Variants in CCBE1 observed in about 807,000 individuals in gnomAD.
CCBE1 encodes collagen and calcium-binding EGF domain-containing protein 1.
In CCBE1, 37 loss-of-function variants were observed where a neutral mutation model predicts 50.0. The ratio of observed to expected loss-of-function variants is 0.74; its 90% confidence interval spans 0.57 to 0.97. The LOEUF (loss-of-function observed/expected upper bound fraction) is 0.97, where lower values mean the gene tolerates loss of function less well. CCBE1 is among the 50% of genes least tolerant of loss of function. The pLI is 0.00. For synonymous variants in CCBE1, 234 were observed against 203.7 expected (o/e 1.15, Z -1.27); for missense variants, 538 against 523.8 (o/e 1.03, Z -0.26).
At chr18:59,567,598 C>T (rs368381723) in intron 2 of CCBE1, among the ~76,000 whole-genome samples, 3 of 152,176 alleles carry the variant, frequency 2.0e-5, no homozygotes, top group Non-Finnish European at 4.4e-5. Context: ...CCAAGTGGAT[C>T]GGGTTTTAAT....
chr18:59,626,548 A>C (rs1484537808), intron 2 of CCBE1, among the ~76,000 whole-genome samples: 1 of 152,280 alleles, frequency 6.6e-6, no homozygotes, highest in Non-Finnish European at 1.5e-5. Flanking sequence ...CACTGCTCTA[A>C]GAATTTCCCA....
intron 2 of CCBE1, among the ~76,000 whole-genome samples, chr18:59,606,849 C>A (rs570298961): frequency 6.6e-6 from 1 of 152,286 alleles, no homozygotes; most frequent in Non-Finnish European, 1.5e-5. Context: ...GAAACCTTTT[C>A]TGATAAATGC....
chr18:59,584,497 T>C (rs971606118), intron 2 of CCBE1, among the ~76,000 whole-genome samples: 2 of 146,770 alleles, frequency 1.4e-5, no homozygotes, highest in African/African-American at 2.6e-5. Context: ...ACTTAAAGTA[T>C]AATAATAATA....
intron 2 of CCBE1, among the ~76,000 whole-genome samples, chr18:59,605,954 G>A (rs2053492219): frequency 6.6e-6 from 1 of 152,144 alleles, no homozygotes; most frequent in South Asian, 2.1e-4. Context: ...AATCTACCAA[G>A]AGAAATCGCG....
Position 59,454,827 on chromosome 18 carries a change from C to T in CCBE1, c.654+24G>A, listed in dbSNP as rs369236869. 26 of 1,598,746 alleles carry T rather than the reference C, an allele frequency of 1.6e-5. 1 individual carries two copies. In the Middle Eastern group the frequency reaches 5.0e-4, roughly 31 times the overall value. On this transcript the variant is annotated intron_variant, in intron 6 of 10. Coordinates refer to ENST00000439986, the MANE Select transcript of CCBE1 (RefSeq NM_133459.4). ...AAGCCCTCCTTCCATCAGGCATCAT[C>T]GTTCCCACCCCAGCGGCACGTACCT...
At chr18:59,534,931 ACTCATTTTCC>A (rs577046970) in intron 2 of CCBE1, among the ~76,000 whole-genome samples, 20 of 152,132 alleles carry the variant, frequency 1.3e-4, no homozygotes, top group Middle Eastern at 3.4e-3. Context: ...ACAGAACAAA[ACTCATTTTCC>A]CTCATTTTTA....
chr18:59,665,328 T>C (rs942002278), intron 2 of CCBE1, among the ~76,000 whole-genome samples: 1 of 152,202 alleles, frequency 6.6e-6, no homozygotes, highest in African/African-American at 2.4e-5. Context: ...TGACTTCAGC[T>C]CTGTTCATTC....
intron 2 of CCBE1, among the ~76,000 whole-genome samples, chr18:59,583,863 C>A (rs1460765422): frequency 6.6e-6 from 1 of 152,062 alleles, no homozygotes; most frequent in Non-Finnish European, 1.5e-5. Context: ...GAAATGTAAT[C>A]CTCTGTGGAG....
intron 2 of CCBE1, among the ~76,000 whole-genome samples, chr18:59,596,474 T>C (rs77137399): frequency 6.6e-6 from 1 of 152,206 alleles, no homozygotes; most frequent in East Asian, 1.9e-4. Flanking sequence ...AAGAATATGG[T>C]ATTTCAGAAG....
intron 2 of CCBE1, among the ~76,000 whole-genome samples, chr18:59,665,447 A>G (rs1172784416): frequency 1.3e-5 from 2 of 152,200 alleles, no homozygotes; most frequent in Non-Finnish European, 2.9e-5. Flanking sequence ...TTGGGTAATC[A>G]TTGTTGAGTT....
intron 2 of CCBE1, among the ~76,000 whole-genome samples, chr18:59,495,110 C>A (rs999418909): frequency 6.6e-6 from 1 of 152,196 alleles, no homozygotes; most frequent in Non-Finnish European, 1.5e-5. Context: ...CCACTGCACT[C>A]CAGCCTGGGG....
intron 7 of CCBE1, among the ~76,000 whole-genome samples, chr18:59,444,100 T>C (rs1179662463): frequency 6.6e-6 from 1 of 152,244 alleles, no homozygotes; most frequent in Non-Finnish European, 1.5e-5. Flanking sequence ...TAATATTCCA[T>C]TGTAAGTGTA....
chr18:59,530,000 G>C (rs1598983697), intron 2 of CCBE1, among the ~76,000 whole-genome samples: 1 of 152,178 alleles, frequency 6.6e-6, no homozygotes, highest in African/African-American at 2.4e-5. Context: ...CCCAATCCCA[G>C]AGTTTCTGAG....
intron 6 of CCBE1, among the ~76,000 whole-genome samples, chr18:59,452,493 C>T (rs2143664928): frequency 6.6e-6 from 1 of 152,282 alleles, no homozygotes; most frequent in East Asian, 1.9e-4. Flanking sequence ...ACCCGGGAGG[C>T]TGAGGCAGAG....
chr18:59,694,453 C>A (rs933369731), intron 2 of CCBE1, among the ~76,000 whole-genome samples: 4 of 152,050 alleles, frequency 2.6e-5, no homozygotes, highest in African/African-American at 9.7e-5. Flanking sequence ...TGAAAGGCCT[C>A]CATGCTCCTT....
At chr18:59,602,511 T>C (rs1439661655) in intron 2 of CCBE1, among the ~76,000 whole-genome samples, 5 of 152,172 alleles carry the variant, frequency 3.3e-5, no homozygotes, top group Non-Finnish European at 7.3e-5. Context: ...AGTTTTCCCA[T>C]CTACAAAGAT....
chr18:59,614,633 T>G (rs1387455174), intron 2 of CCBE1, among the ~76,000 whole-genome samples: 9 of 152,304 alleles, frequency 5.9e-5, no homozygotes, highest in Admixed American at 5.9e-4. Context: ...CTCAGAAGCA[T>G]ATCCTGAGCT....
intron 2 of CCBE1, among the ~76,000 whole-genome samples, chr18:59,489,987 GTTT>G (rs199609938): frequency 8.2e-6 from 1 of 122,236 alleles, no homozygotes; most frequent in African/African-American, 3.2e-5. Context: ...CGCATAAGGA[GTTT>G]TTTTTTTTTT....
intron 5 of CCBE1, 71 bp from the exon 6 acceptor site, chr18:59,455,022 G>A (rs749515150): frequency 4.1e-5 from 50 of 1,222,130 alleles, no homozygotes; most frequent in Non-Finnish European, 5.7e-5. Flanking sequence ...GACAGCATCG[G>A]GAAGGGCGGT....
Sources: gnomAD v4.1 joint callset for allele counts (sites outside exome capture counted in the v4.1 genomes callset) on GRCh38, gnomAD v4.1.1 for gene constraint, MANE v1.5 for transcripts, NCBI Gene and HGNC (gene_info 2026-07-23, HGNC 2026-07-21) for gene names.